Variants in SAMD3 observed in about 807,000 individuals in gnomAD.
The protein encoded by SAMD3 is sterile alpha motif domain containing 3.
In SAMD3, 63 loss-of-function variants were observed where a neutral mutation model predicts 58.5. The observed-to-expected ratio is 1.08, with a 90% CI of 0.88 to 1.33. SAMD3 has a LOEUF of 1.33. Among genes scored for constraint, SAMD3 ranks in the 40% most tolerant of loss-of-function variants. The probability of loss-of-function intolerance (pLI) is 0.00; values close to 1 mark genes in which losing one functional copy is unlikely to be tolerated. For synonymous variants in SAMD3, 220 were observed against 210.3 expected (o/e 1.05, Z -0.40); for missense variants, 604 against 608.4 (o/e 0.99, Z 0.08).
At chr6:130,258,227 G>C (rs926681595) in intron 2 of SAMD3, among the ~76,000 whole-genome samples, 5 of 151,904 alleles carry the variant, frequency 3.3e-5, no homozygotes, top group Admixed American at 2.6e-4. Context: ...TTGTTTTAAT[G>C]GCATATTGTT....
intron 1 of SAMD3, among the ~76,000 whole-genome samples, chr6:130,322,017 G>C (rs1269111146): frequency 2.0e-5 from 3 of 152,196 alleles, no homozygotes; most frequent in African/African-American, 4.8e-5. Flanking sequence ...GGAGGAATAA[G>C]CAGAGAAGAC....
chr6:130,255,766 T>C (rs996156669), intron 2 of SAMD3, among the ~76,000 whole-genome samples: 1 of 152,004 alleles, frequency 6.6e-6, no homozygotes, highest in Non-Finnish European at 1.5e-5. Flanking sequence ...AGTGCTGGGA[T>C]TACAAGTGTG....
chr6:130,168,686 CA>C lies in SAMD3; in HGVS notation c.822+7154del, dbSNP rs1198877628. 4.7e-4 allele frequency among the ~76,000 whole-genome samples: 72 copies of C among 152,322 alleles called. 1 individual carries two copies. The highest frequency in any genetic ancestry group is 4.7e-3 in the Admixed American group (72 of 15,298). On this transcript the variant is annotated intron_variant, in intron 8 of 11. Coordinates refer to ENST00000439090, the MANE Select transcript of SAMD3 (RefSeq NM_001017373.4). ...CCTGCATCAACATTTTCGATCTCTG[CA>C]GCATAGGAAATAATTTTTTTCTGTA...
At chr6:130,226,133 C>G (rs1459699967), upstream of SAMD3, among the ~76,000 whole-genome samples, 1 of 152,194 alleles carries the variant, frequency 6.6e-6, no homozygotes, top group Admixed American at 6.5e-5. Flanking sequence ...TTCTGGAGAG[C>G]CTGATGGGCA....
At chr6:130,357,249 C>G (rs1156858450) in intron 1 of SAMD3, among the ~76,000 whole-genome samples, 5 of 151,484 alleles carry the variant, frequency 3.3e-5, no homozygotes, top group Admixed American at 3.3e-4. Flanking sequence ...CTCAGCCTCC[C>G]GAGTAGCTGG....
chr6:130,318,423 A>AT (rs201477904), intron 1 of SAMD3, among the ~76,000 whole-genome samples: 37 of 150,912 alleles, frequency 2.5e-4, no homozygotes, highest in Non-Finnish European at 4.9e-4. Flanking sequence ...TAATAAAAAA[A>AT]TTTTTTTTTT....
downstream of SAMD3, chr6:130,142,951 GATTACTGGAGGAT>G (rs1270685153): frequency 1.3e-5 from 2 of 152,218 alleles, no homozygotes; most frequent in African/African-American, 2.4e-5. Flanking sequence ...GGGAAGAAAT[GATTACTGGAGGAT>G]AGGAACTAGG....
At chr6:130,197,219 G>T (rs1261225462) in intron 5 of SAMD3, among the ~76,000 whole-genome samples, 1 of 152,154 alleles carries the variant, frequency 6.6e-6, no homozygotes, top group African/African-American at 2.4e-5. Context: ...TCTCATTCCA[G>T]ACACCAGACC....
chr6:130,333,710 G>A (rs781566585), intron 1 of SAMD3, among the ~76,000 whole-genome samples: 1 of 152,198 alleles, frequency 6.6e-6, no homozygotes, highest in Non-Finnish European at 1.5e-5. Flanking sequence ...GAGACATTTA[G>A]TTTTAGTCAT....
At chr6:130,349,805 C>T (rs376759991) in intron 1 of SAMD3, among the ~76,000 whole-genome samples, 389 of 152,144 alleles carry the variant, frequency 2.6e-3, no homozygotes, top group Non-Finnish European at 4.0e-3. Flanking sequence ...TGATGAACAT[C>T]GATGCAAAAA....
intron 2 of SAMD3, among the ~76,000 whole-genome samples, chr6:130,257,126 G>A (rs988586154): frequency 6.6e-6 from 1 of 152,004 alleles, no homozygotes; most frequent in Non-Finnish European, 1.5e-5. Context: ...TAAGACTGTT[G>A]CCTTATAATA....
chr6:130,149,102 AG>A (rs1314382991), intron 9 of SAMD3, among the ~76,000 whole-genome samples: 1 of 152,202 alleles, frequency 6.6e-6, no homozygotes, highest in Admixed American at 6.5e-5. Flanking sequence ...CCAATACCAC[AG>A]GGCTTTTCCT....
In SAMD3 at chr6:130,192,428, T is replaced by G. The variant is rs567721632; in HGVS notation, c.384-7805A>C. Among the ~76,000 whole-genome samples, 316 of 152,256 alleles carry G rather than the reference T, an allele frequency of 2.1e-3. 1 individual carries two copies. The highest frequency in any genetic ancestry group is 6.4e-3 in the African/African-American group (265 of 41,544). On this transcript the variant is annotated intron_variant, in intron 5 of 11. Coordinates refer to ENST00000439090, the MANE Select transcript of SAMD3 (RefSeq NM_001017373.4). ...TTCCACCACAAAAGAAGTGAAAATG[T>G]CCTGTTCCTGCTTTAACTGATGACA...
At chr6:130,274,177 T>C (rs565170724) in intron 2 of SAMD3, among the ~76,000 whole-genome samples, 1 of 152,300 alleles carries the variant, frequency 6.6e-6, no homozygotes, top group South Asian at 2.1e-4. Flanking sequence ...TATACAGGAT[T>C]TGTCTTTCAG....
At chr6:130,276,240 T>A (rs962724901) in intron 2 of SAMD3, among the ~76,000 whole-genome samples, 1 of 152,202 alleles carries the variant, frequency 6.6e-6, no homozygotes, top group Non-Finnish European at 1.5e-5. Context: ...TCAGGCCTAA[T>A]GATACCTTGA....
At chr6:130,306,611 G>A (rs1192893666) in intron 2 of SAMD3, among the ~76,000 whole-genome samples, 1 of 152,166 alleles carries the variant, frequency 6.6e-6, no homozygotes. Context: ...TCTTGTCAGT[G>A]CCTCACATTA....
chr6:130,199,600 T>G (rs1794451795), intron 5 of SAMD3, among the ~76,000 whole-genome samples: 1 of 152,218 alleles, frequency 6.6e-6, no homozygotes, highest in South Asian at 2.1e-4. Context: ...GCCAGTAACC[T>G]GGGAATTACC....
chr6:130,268,809 A>G (rs1774452214), intron 2 of SAMD3, among the ~76,000 whole-genome samples: 1 of 152,126 alleles, frequency 6.6e-6, no homozygotes, highest in South Asian at 2.1e-4. Context: ...ACCTAAAAAC[A>G]CATTTCTCAG....
intron 1 of SAMD3, among the ~76,000 whole-genome samples, chr6:130,313,805 A>C (rs1340807036): frequency 6.6e-6 from 1 of 152,172 alleles, no homozygotes; most frequent in Non-Finnish European, 1.5e-5. Context: ...CCCGAGATTT[A>C]AGTATTTCCA....
Sources: gnomAD v4.1 joint callset for allele counts (sites outside exome capture counted in the v4.1 genomes callset) on GRCh38, gnomAD v4.1.1 for gene constraint, MANE v1.5 for transcripts, NCBI Gene and HGNC (gene_info 2026-07-23, HGNC 2026-07-21) for gene names.